Variants in CDH13 observed in about 807,000 individuals in gnomAD.
CDH13 encodes cadherin-13.
Under a neutral mutation model 63.8 loss-of-function variants are expected in CDH13, and 24 were observed. That is an observed-to-expected ratio of 0.38 (90% confidence interval 0.27 to 0.53). The LOEUF (loss-of-function observed/expected upper bound fraction) is 0.53, where lower values mean the gene tolerates loss of function less well. CDH13 is among the 20% of genes least tolerant of loss of function. CDH13 has a pLI of 0.85. For synonymous variants in CDH13, 503 were observed against 355.3 expected (o/e 1.42, Z -4.67); for missense variants, 1,049 against 903.1 (o/e 1.16, Z -2.07).
At position 83,133,436 on chromosome 16, in the gene CDH13, C is replaced by T. The variant is rs192331949; in HGVS notation, c.483+7935C>T. Among the ~76,000 whole-genome samples, 8 of 152,004 alleles carry T rather than the reference C, an allele frequency of 5.3e-5. No individual in the cohort carries two copies. In the East Asian group the frequency reaches 9.7e-4, roughly 18 times the overall value. On this transcript the variant is annotated intron_variant, in intron 4 of 13. Coordinates refer to ENST00000567109, the MANE Select transcript of CDH13 (RefSeq NM_001257.5). ...GAAAAGTATTAAATTATTAATATGG[C>T]TCACGTATTTTTATCAGATGGTGCT... is the stretch of plus-strand genomic sequence containing the variant.
At chr16:82,701,044 A>T (rs530961900) in intron 1 of CDH13, among the ~76,000 whole-genome samples, 1 of 139,412 alleles carries the variant, frequency 7.2e-6, no homozygotes, top group Non-Finnish European at 1.5e-5. Context: ...CAAACTTCTT[A>T]TCTCCTCCAT....
chr16:82,665,098 A>G (rs1035075855), intron 1 of CDH13, among the ~76,000 whole-genome samples: 4 of 152,192 alleles, frequency 2.6e-5, no homozygotes, highest in South Asian at 4.1e-4. Flanking sequence ...GGTGCATTCA[A>G]ACTAGGTGAG....
intron 7 of CDH13, among the ~76,000 whole-genome samples, chr16:83,499,001 C>G (rs567637684): frequency 9.2e-5 from 14 of 152,158 alleles, no homozygotes; most frequent in Non-Finnish European, 1.9e-4. Context: ...CAATAAGAAT[C>G]AAATGGCTTT....
Position 83,410,004 on chromosome 16 carries a change from C to T in CDH13, c.781+64998C>T, listed in dbSNP as rs531233300. Among the ~76,000 whole-genome samples the T allele has an allele frequency of 9.6e-4, 146 of 152,286 alleles. 1 individual carries two copies. The highest frequency in any genetic ancestry group is 3.4e-4 in the Non-Finnish European group (23 of 68,024). On this transcript the variant is annotated intron_variant, in intron 6 of 13. Coordinates refer to ENST00000567109, the MANE Select transcript of CDH13 (RefSeq NM_001257.5). ...AGTGGGCCTTATTTCCTGTGTGAAA[C>T]AACTTTTATCAAAATGTATTTGACA...
intron 1 of CDH13, among the ~76,000 whole-genome samples, chr16:82,787,262 A>G (rs533699993): frequency 5.3e-5 from 8 of 152,312 alleles, no homozygotes; most frequent in African/African-American, 1.7e-4. Flanking sequence ...CCATGTATAC[A>G]GCTGAGCATG....
intron 5 of CDH13, among the ~76,000 whole-genome samples, chr16:83,252,138 G>GTA (rs59872467): frequency 0.15 from 18,535 of 120,842 alleles, 1,317 homozygotes; most frequent in Middle Eastern, 0.25. Context: ...ACATATATAT[G>GTA]TATATATATA....
rs1005319895 is a variant in CDH13, at chr16:83,060,362, G to C, written c.366+28144G>C. Among the ~76,000 whole-genome samples, 6 of 152,138 alleles carry C rather than the reference G, an allele frequency of 3.9e-5. No individual in the cohort carries two copies. The South Asian group carries it at 1.0e-3, about 26-fold the overall frequency. On this transcript the variant is annotated intron_variant, in intron 3 of 13. Coordinates refer to ENST00000567109, the MANE Select transcript of CDH13 (RefSeq NM_001257.5). The stretch of plus-strand genomic sequence containing the variant: ...CCATTCTTAAAAATCCAGCATTTTT[G>C]TATAGGAACAAAACTTTACTTGGAT...
chr16:83,731,693 G>C (rs569598747), intron 10 of CDH13, among the ~76,000 whole-genome samples: 90 of 152,294 alleles, frequency 5.9e-4, no homozygotes, highest in Admixed American at 5.9e-4. Context: ...TAAATTCTTT[G>C]CCAAGGTCAA....
At chr16:82,749,114 G>C (rs2034305101) in intron 1 of CDH13, among the ~76,000 whole-genome samples, 1 of 152,046 alleles carries the variant, frequency 6.6e-6, no homozygotes, top group South Asian at 2.1e-4. Context: ...AATGGACACA[G>C]TGAGTTGGAT....
rs771484802 is a variant in CDH13, at chr16:83,784,468, C to G, written c.2134+996C>G. Among the ~76,000 whole-genome samples, 69 of 152,042 alleles carry G rather than the reference C, an allele frequency of 4.5e-4. 1 individual carries two copies. Among genetic ancestry groups the G allele is most frequent in the Middle Eastern group, 6.8e-3 (2 of 294 alleles). ...CCAACATGGTGAAACCTTGTGTCTA[C>G]TAAAAATACAAAAATTAGCCAGCCA... On this transcript the variant is annotated intron_variant, in intron 13 of 13. Transcript: ENST00000567109.
At chr16:83,266,862 C>G (rs1907684142) in intron 5 of CDH13, among the ~76,000 whole-genome samples, 1 of 152,192 alleles carries the variant, frequency 6.6e-6, no homozygotes, top group South Asian at 2.1e-4. Flanking sequence ...CATTCCTGGT[C>G]TCAAGTCGGG....
chr16:83,702,535 C>T (rs1906399488), intron 10 of CDH13, among the ~76,000 whole-genome samples: 1 of 152,178 alleles, frequency 6.6e-6, no homozygotes, highest in Non-Finnish European at 1.5e-5. Context: ...ATCACATCTA[C>T]CAACTTTGCT....
At chr16:83,591,512 G>A (rs922819337) in intron 7 of CDH13, among the ~76,000 whole-genome samples, 4 of 152,176 alleles carry the variant, frequency 2.6e-5, no homozygotes, top group African/African-American at 4.8e-5. Context: ...AGGCCTCGAA[G>A]GTACTTTTGA....
chr16:83,580,032 C>T (rs555490041), intron 7 of CDH13, among the ~76,000 whole-genome samples: 1 of 152,112 alleles, frequency 6.6e-6, no homozygotes, highest in Non-Finnish European at 1.5e-5. Flanking sequence ...TAACTACGGC[C>T]AGGAATTAAG....
intron 5 of CDH13, among the ~76,000 whole-genome samples, chr16:83,286,597 A>T (rs2007287): frequency 0.34 from 52,135 of 151,708 alleles, 9,689 homozygotes; most frequent in East Asian, 0.67. Context: ...CTCTACTAAA[A>T]TATAAAAAAT....
At chr16:83,752,657 A>G (rs1162250169) in intron 11 of CDH13, among the ~76,000 whole-genome samples, 2 of 152,200 alleles carry the variant, frequency 1.3e-5, no homozygotes, top group Admixed American at 1.3e-4. Flanking sequence ...ATGTTTTCTC[A>G]ACATTCAGCA....
chr16:83,321,493 A>AT (rs1205316889), intron 5 of CDH13, among the ~76,000 whole-genome samples: 10 of 115,248 alleles, frequency 8.7e-5, no homozygotes, highest in South Asian at 3.0e-4. Flanking sequence ...ATACCTCCTC[A>AT]TTTTTTTTTC....
intron 6 of CDH13, among the ~76,000 whole-genome samples, chr16:83,410,072 G>A (rs565000890): frequency 6.6e-6 from 1 of 151,180 alleles, no homozygotes; most frequent in African/African-American, 2.5e-5. Context: ...CTGAGAGTTC[G>A]GGTCCCTGAG....
At chr16:83,605,442 C>A (rs182141707) in intron 8 of CDH13, among the ~76,000 whole-genome samples, 1 of 152,052 alleles carries the variant, frequency 6.6e-6, no homozygotes, top group Non-Finnish European at 1.5e-5. Context: ...AAGGAGGGGG[C>A]GCTGGAGCCG....
Sources: allele counts gnomAD v4.1 joint callset (sites outside exome capture counted in the v4.1 genomes callset), GRCh38; gene constraint gnomAD v4.1.1; transcripts MANE v1.5; gene names NCBI Gene and HGNC (gene_info 2026-07-23, HGNC 2026-07-21).